AKAP12: variants seen among roughly 807,000 people sequenced by gnomAD.
AKAP12 encodes A-kinase anchoring protein 12.
AKAP12 carries 32 observed loss-of-function variants against 79.9 expected under a neutral mutation model. The observed-to-expected ratio is 0.40, with a 90% CI of 0.30 to 0.54. The LOEUF (loss-of-function observed/expected upper bound fraction) is 0.54, where lower values mean the gene tolerates loss of function less well. AKAP12 is among the 20% of genes least tolerant of loss of function. AKAP12 has a pLI of 0.48. For missense variants in AKAP12, 2,074 were observed against 2,177.0 expected, an observed-to-expected ratio of 0.95 and a Z score of 0.94; for synonymous variants, 808 against 857.0, an observed-to-expected ratio of 0.94 and a Z score of 1.00.
intron 2 of AKAP12, among the ~76,000 whole-genome samples, chr6:151,245,600 GCACCACTGCAGT>G (rs11275876): frequency 0.59 from 83,094 of 141,248 alleles, 24,621 homozygotes; most frequent in Admixed American, 0.7. Context: ...AGCCGAGATG[GCACCACTGCAGT>G]CACCACTGCA....
chr6:151,294,420 CCA>C, intron 2 of AKAP12, among the ~76,000 whole-genome samples: 1 of 152,286 alleles, frequency 6.6e-6, no homozygotes, highest in South Asian at 2.1e-4. Flanking sequence ...TAATTACTGT[CCA>C]CAGTGTCCAC....
At chr6:151,325,662 T>C (rs9479011) in intron 3 of AKAP12, 169,095 of 1,407,504 alleles carry the variant, frequency 0.12, 12,139 homozygotes, top group East Asian at 0.32. Flanking sequence ...TCTGGGGAAA[T>C]GCATCCGCGC....
intron 2 of AKAP12, among the ~76,000 whole-genome samples, chr6:151,248,845 A>AG (rs1797123572): frequency 6.6e-6 from 1 of 151,906 alleles, no homozygotes; most frequent in Non-Finnish European, 1.5e-5. Context: ...AAAATTAGCC[A>AG]GTATGGTGGT....
At chr6:151,246,504 G>C (rs934105037) in intron 2 of AKAP12, among the ~76,000 whole-genome samples, 1 of 152,158 alleles carries the variant, frequency 6.6e-6, no homozygotes, top group Admixed American at 6.5e-5. Flanking sequence ...CAGTTCCACC[G>C]TGGAGATCAG....
intron 3 of AKAP12, among the ~76,000 whole-genome samples, chr6:151,312,777 A>C (rs1054930529): frequency 2.4e-5 from 3 of 127,188 alleles, no homozygotes; most frequent in African/African-American, 1.0e-4. Flanking sequence ...AGGCTACAAG[A>C]GGGAGACTCT....
intron 2 of AKAP12, among the ~76,000 whole-genome samples, chr6:151,299,253 T>C (rs1386864776): frequency 2.0e-5 from 3 of 152,242 alleles, no homozygotes; most frequent in Non-Finnish European, 4.4e-5. Flanking sequence ...GTGTGGCCTG[T>C]TGGCCTAGAT....
intron 2 of AKAP12, among the ~76,000 whole-genome samples, chr6:151,265,844 A>C (rs912314542): frequency 2.0e-4 from 31 of 152,182 alleles, no homozygotes; most frequent in African/African-American, 7.5e-4. Flanking sequence ...TGAGAAAAGA[A>C]ATTGGTGATC....
chr6:151,335,475 C>G lies in AKAP12; in HGVS notation c.320-13236C>G, dbSNP rs545017349. Among the ~76,000 whole-genome samples, 5 of 101,252 alleles carry G rather than the reference C, an allele frequency of 4.9e-5. No individual in the cohort carries two copies. The East Asian group carries it at 1.5e-3, about 31-fold the overall frequency. The allele number at this position is 101,252 out of a possible 152,430, so 66.4% of individuals were successfully genotyped here. The stretch of plus-strand genomic sequence containing the variant: ...GATTTTCATTTTATTTTTATTTTTA[C>G]TGTTGTTTGTTTGTTTGTTTTTGAG... On this transcript the variant is annotated intron_variant, in intron 3 of 4. Transcript: ENST00000402676.
intron 3 of AKAP12, chr6:151,323,994 A>G (rs1414636080): frequency 9.1e-6 from 9 of 985,290 alleles, no homozygotes; most frequent in Non-Finnish European, 1.1e-5. Flanking sequence ...GTCTTTATCC[A>G]TGATTTGCAC....
chr6:151,312,808 A>AAAAAT (rs1470972340), intron 3 of AKAP12, among the ~76,000 whole-genome samples: 3 of 151,306 alleles, frequency 2.0e-5, no homozygotes, highest in Non-Finnish European at 4.4e-5. Context: ...AAAAAAAAAA[A>AAAAAT]AAAGAATCAT....
chr6:151,349,324 C>G lies in AKAP12; in HGVS notation c.933C>G (p.Thr311=). The part of the protein sequence containing the change: ...TQGWAGWRKK[T]SFRKPKEDEV... ...GTTGGGCCGGCTGGCGCAAAAAGACCAGTTTCAGGAAGCCGAAGGAGGATG... is the reference window on the plus strand; with the variant it reads ...GTTGGGCCGGCTGGCGCAAAAAGACGAGTTTCAGGAAGCCGAAGGAGGATG... Residue 311 remains threonine (T), a synonymous_variant, in exon 4 of 5, where the codon ACC becomes ACG. Transcript: ENST00000402676. The G allele has an allele frequency of 6.2e-7, 1 of 1,613,830 alleles. No individual in the cohort carries two copies. Among genetic ancestry groups the G allele is most frequent in the Non-Finnish European group, 8.5e-7 (1 of 1,179,966 alleles).
At chr6:151,298,020 A>G (rs796948770) in intron 2 of AKAP12, among the ~76,000 whole-genome samples, 24 of 151,524 alleles carry the variant, frequency 1.6e-4, no homozygotes, top group African/African-American at 3.6e-4. Context: ...AAACAGAGAT[A>G]GTATTAGTCT....
intron 3 of AKAP12, among the ~76,000 whole-genome samples, chr6:151,312,531 C>T (rs1240670751): frequency 1.3e-5 from 2 of 148,606 alleles, no homozygotes; most frequent in Admixed American, 6.7e-5. Flanking sequence ...GTGGCTCACG[C>T]CTGTAATCCC....
In AKAP12 at chr6:151,348,940, C is replaced by A; in HGVS notation, c.549C>A (p.Phe183Leu). The A allele has an allele frequency of 1.2e-6, 2 of 1,613,858 alleles. No homozygotes were observed. The highest frequency in any genetic ancestry group is 1.7e-6 in the Non-Finnish European group (2 of 1,179,964). The change falls in exon 4 of 5, where the codon TTC (phenylalanine) becomes TTA (leucine). Residue 183 changes from phenylalanine to leucine, a missense_variant. Around this residue, in one of 3 missense-constraint regions of AKAP12, gnomAD observed 1,428 missense variants for 1,451.0 expected, o/e 0.98. Transcript: ENST00000402676. ...KKVFKFVGFK[F>L]TVKKDKTEKP... is the part of the protein sequence containing the mutation. Reference sequence around the variant, plus strand: ...TGTTTAAGTTTGTTGGCTTTAAATTCACTGTGAAAAAGGATAAGACAGAGA... The same window carrying A: ...TGTTTAAGTTTGTTGGCTTTAAATTAACTGTGAAAAAGGATAAGACAGAGA...
chr6:151,242,100 T>C (rs1796988315), intron 2 of AKAP12, among the ~76,000 whole-genome samples: 1 of 152,194 alleles, frequency 6.6e-6, no homozygotes, highest in South Asian at 2.1e-4. Context: ...ATACTTACTG[T>C]ATGCACATAA....
chr6:151,266,284 G>T (rs1002322999), intron 2 of AKAP12, among the ~76,000 whole-genome samples: 2 of 152,014 alleles, frequency 1.3e-5, no homozygotes, highest in Non-Finnish European at 2.9e-5. Flanking sequence ...TAAATTTTTT[G>T]ATCTTTACTT....
rs1248913264 is a variant in AKAP12 at position 151,312,809 on chromosome 6, A to AAAAAAAG, written c.319+6908_319+6909insAAAAGAA. ...CTCTGTCTCCAAAAAAAAAAAAAAA[A>AAAAAAAG]AAGAATCATGAGGGCAGAGTTTTCT... is the stretch of plus-strand genomic sequence containing the variant. On this transcript the variant is annotated intron_variant, in intron 3 of 4. Transcript: ENST00000402676. Among the ~76,000 whole-genome samples the AAAAAAAG allele has an allele frequency of 9.4e-4, 143 of 151,324 alleles. 2 individuals carry two copies. The highest frequency in any genetic ancestry group is 3.3e-3 in the African/African-American group (134 of 41,170).
chr6:151,294,050 C>T (rs1023501254), intron 2 of AKAP12, among the ~76,000 whole-genome samples: 12 of 151,866 alleles, frequency 7.9e-5, no homozygotes, highest in African/African-American at 1.9e-4. Context: ...CTCGACTCAC[C>T]GCAACCTCCT....
intron 2 of AKAP12, among the ~76,000 whole-genome samples, chr6:151,294,326 G>A (rs1167541155): frequency 6.6e-6 from 1 of 152,136 alleles, no homozygotes; most frequent in African/African-American, 2.4e-5. Context: ...AACCAGGAAT[G>A]TTATCACCAC....
Sources: allele counts gnomAD v4.1 joint callset (sites outside exome capture counted in the v4.1 genomes callset), GRCh38; gene constraint gnomAD v4.1.1; regional missense constraint gnomAD v4.1.1; transcripts MANE v1.5; gene names NCBI Gene and HGNC (gene_info 2026-07-23, HGNC 2026-07-21).